Variants in SMYD3 observed in about 807,000 individuals in gnomAD.
SMYD3 encodes histone-lysine N-methyltransferase SMYD3.
In SMYD3, 36 loss-of-function variants were observed where a neutral mutation model predicts 57.7. That is an observed-to-expected ratio of 0.62 (90% CI 0.48 to 0.82). SMYD3 has a LOEUF of 0.82. SMYD3 is among the 40% of genes least tolerant of loss of function. The pLI, the probability that SMYD3 is intolerant of heterozygous loss-of-function variation, is 0.00. For synonymous variants in SMYD3, 211 were observed against 195.0 expected, an observed-to-expected ratio of 1.08 and a Z score of -0.68; for missense variants, 515 against 538.8, an observed-to-expected ratio of 0.96 and a Z score of 0.44.
intron 1 of SMYD3, among the ~76,000 whole-genome samples, chr1:246,367,192 G>A (rs543495514): frequency 1.1e-4 from 16 of 152,242 alleles, no homozygotes; most frequent in African/African-American, 3.4e-4. Context: ...CTAATGCAAT[G>A]CCTTGAGAAG....
chr1:246,481,133 G>A (rs1341594359), intron 1 of SMYD3, among the ~76,000 whole-genome samples: 3 of 152,070 alleles, frequency 2.0e-5, no homozygotes, highest in South Asian at 4.2e-4. Context: ...ATAACTAACA[G>A]AGAAAGAGCA....
intron 5 of SMYD3, among the ~76,000 whole-genome samples, chr1:246,015,222 C>T (rs2059357961): frequency 1.3e-5 from 2 of 152,098 alleles, no homozygotes; most frequent in Non-Finnish European, 2.9e-5. Flanking sequence ...AACGTGTATG[C>T]TTTTTTATGC....
chr1:245,834,023 C>T (rs1343621426), intron 10 of SMYD3, among the ~76,000 whole-genome samples: 1 of 152,182 alleles, frequency 6.6e-6, no homozygotes, highest in African/African-American at 2.4e-5. Context: ...CTGCAGTAAC[C>T]TTATTTAACC....
intron 5 of SMYD3, among the ~76,000 whole-genome samples, chr1:246,225,776 A>G (rs1248301768): frequency 6.6e-6 from 1 of 152,200 alleles, no homozygotes; most frequent in African/African-American, 2.4e-5. Context: ...TTTCTGCCAA[A>G]TCTAATCAGA....
At chr1:245,797,679 T>TATGG (rs2047597970) in intron 10 of SMYD3, among the ~76,000 whole-genome samples, 1 of 151,652 alleles carries the variant, frequency 6.6e-6, no homozygotes, top group African/African-American at 2.4e-5. Flanking sequence ...TATAATTATA[T>TATGG]ATAGATAGAT....
intron 5 of SMYD3, among the ~76,000 whole-genome samples, chr1:245,939,163 A>T (rs1353905938): frequency 6.9e-6 from 1 of 144,584 alleles, no homozygotes; most frequent in East Asian, 2.7e-4. Context: ...ATTAAAAAAT[A>T]AAAAAATTTA....
intron 5 of SMYD3, among the ~76,000 whole-genome samples, chr1:246,264,015 AT>A (rs1362152060): frequency 6.6e-6 from 1 of 151,196 alleles, no homozygotes; most frequent in African/African-American, 2.4e-5. Context: ...AAAAGGCCAT[AT>A]TGCCTAAGAA....
rs577790322 is a variant in SMYD3 at position 246,158,290 on chromosome 1, T to C, written c.531+168911A>G. The stretch of plus-strand genomic sequence containing the variant: ...TATCTGACACTAAAATTTCATTCTA[T>C]GTACTTCCATCCTCTGAAATGCACA... On this transcript the variant is annotated intron_variant, in intron 5 of 11. Coordinates refer to ENST00000490107, the MANE Select transcript of SMYD3 (RefSeq NM_001167740.2). Among the ~76,000 whole-genome samples the C allele has an allele frequency of 3.3e-5, 5 of 152,246 alleles. No homozygotes were observed. The South Asian group carries it at 1.0e-3, about 32-fold the overall frequency.
At chr1:246,294,031 C>T (rs1296733489) in intron 5 of SMYD3, among the ~76,000 whole-genome samples, 1 of 152,140 alleles carries the variant, frequency 6.6e-6, no homozygotes, top group Non-Finnish European at 1.5e-5. Context: ...GTTTTCCTCC[C>T]ACTTTACTCC....
At position 245,863,984 on chromosome 1, in the gene SMYD3, C is replaced by T. The variant is rs2051692716; in HGVS notation, c.814-98G>A. On this transcript the variant is annotated intron_variant, in intron 8 of 11. Coordinates refer to ENST00000490107, the MANE Select transcript of SMYD3 (RefSeq NM_001167740.2). ...CAGATATACAAATGGCCTGCAAGCCCCTGAAAAGATGCTTGGCATCATTTA... is the reference window on the plus strand; with the variant it reads ...CAGATATACAAATGGCCTGCAAGCCTCTGAAAAGATGCTTGGCATCATTTA... 8 of 1,076,488 alleles carry T rather than the reference C, an allele frequency of 7.4e-6. No homozygotes were observed. In the South Asian group the frequency reaches 9.7e-5, roughly 13 times the overall value. 66.7% of individuals were successfully genotyped at this position (1,076,488 alleles called of 1,614,324 possible).
intron 5 of SMYD3, among the ~76,000 whole-genome samples, chr1:245,944,423 T>C (rs1408363390): frequency 6.6e-6 from 1 of 152,130 alleles, no homozygotes; most frequent in African/African-American, 2.4e-5. Context: ...TACCTAGGAA[T>C]ACAGCTAACA....
intron 8 of SMYD3, among the ~76,000 whole-genome samples, chr1:245,888,317 G>A (rs1274047402): frequency 6.6e-6 from 1 of 152,160 alleles, no homozygotes; most frequent in African/African-American, 2.4e-5. Flanking sequence ...TGAGAAATTG[G>A]ACAAAGATAG....
At chr1:245,959,926 G>C (rs1451341398) in intron 5 of SMYD3, among the ~76,000 whole-genome samples, 1 of 152,036 alleles carries the variant, frequency 6.6e-6, no homozygotes, top group Non-Finnish European at 1.5e-5. Context: ...CTGCAGGTGT[G>C]TGCCACCATG....
intron 1 of SMYD3, among the ~76,000 whole-genome samples, chr1:246,426,956 T>C (rs1383382501): frequency 1.3e-5 from 2 of 152,000 alleles, no homozygotes; most frequent in Admixed American, 1.3e-4. Context: ...TCTATGTAAA[T>C]TTGAGAGCCT....
At chr1:246,335,249 T>G (rs555112461) in intron 3 of SMYD3, 118 bp downstream of exon 3, 1 of 863,098 alleles carries the variant, frequency 1.2e-6, no homozygotes, top group Admixed American at 2.6e-5. Flanking sequence ...TTGCAATATT[T>G]GCTTTATTGT....
chr1:245,863,878 A>G lies in SMYD3; in HGVS notation c.822T>C (p.Asp274=). 6.2e-7 allele frequency: 1 copy of G among 1,614,176 alleles called. No individual in the cohort carries two copies. The highest frequency in any genetic ancestry group is 1.7e-5 in the Admixed American group (1 of 60,028). Residue 274 remains aspartate, a synonymous_variant, in exon 9 of 12, where the codon GAT becomes GAC. Transcript: ENST00000490107. The stretch of plus-strand genomic sequence containing the variant: ...ATACTTGCTCATCACCAGTTAGCAT[A>G]TCAGCATCCTGCTCAGGCCAGAAAA... ...FRCQTQDKDA[D]MLTGDEQVWK... is the part of the protein sequence containing the mutation.
At chr1:245,835,321 T>A (rs1441280650) in intron 10 of SMYD3, among the ~76,000 whole-genome samples, 1 of 152,052 alleles carries the variant, frequency 6.6e-6, no homozygotes, top group Non-Finnish European at 1.5e-5. Flanking sequence ...AGTTTCACCA[T>A]GTTGGCCAAG....
At chr1:245,858,857 G>A (rs2185369) in intron 9 of SMYD3, among the ~76,000 whole-genome samples, 187 bp from the exon 10 acceptor site, 125,024 of 152,168 alleles carry the variant, frequency 0.82, 52,286 homozygotes, top group Non-Finnish European at 0.9. Flanking sequence ...TCAGTGAAGT[G>A]AATTCTGTTT....
chr1:246,490,576 C>T lies in SMYD3; in HGVS notation c.164+16478G>A, dbSNP rs9628648. Among the ~76,000 whole-genome samples, 653 of 152,276 alleles carry T rather than the reference C, an allele frequency of 4.3e-3. 5 individuals carry two copies. Among genetic ancestry groups the T allele is most frequent in the African/African-American group, 0.015 (608 of 41,560 alleles). On this transcript the variant is annotated intron_variant, in intron 1 of 11. Transcript: ENST00000490107. ...TTATATAATAATACCTAAATTCCAC[C>T]GACCAATCGCTGAGGGCTGGACTCA...
Sources: allele counts gnomAD v4.1 joint callset (sites outside exome capture counted in the v4.1 genomes callset), GRCh38; gene constraint gnomAD v4.1.1; transcripts MANE v1.5; gene names NCBI Gene and HGNC (gene_info 2026-07-23, HGNC 2026-07-21).